ANKRD36C: variants seen among roughly 807,000 people sequenced by gnomAD.
ANKRD36C encodes the protein ankyrin repeat domain-containing protein 36C.
Under a neutral mutation model 276.4 loss-of-function variants are expected in ANKRD36C, and 61 were observed. That is an observed-to-expected ratio of 0.22 (90% confidence interval 0.18 to 0.27). The LOEUF (loss-of-function observed/expected upper bound fraction) is 0.27, where lower values mean the gene tolerates loss of function less well. Among genes scored for constraint, ANKRD36C ranks in the 10% least tolerant of loss-of-function variants. The probability of loss-of-function intolerance (pLI) is 1.00; values close to 1 mark genes in which losing one functional copy is unlikely to be tolerated. For synonymous variants in ANKRD36C, 483 were observed against 680.1 expected (o/e 0.71, Z 4.51); for missense variants, 1,447 against 2,032.3 (o/e 0.71, Z 5.54).
chr2:95,931,831 GA>G (rs1218480534), intron 24 of ANKRD36C, among the ~76,000 whole-genome samples: 8 of 127,582 alleles, frequency 6.3e-5, no homozygotes, highest in African/African-American at 1.6e-4. Flanking sequence ...TTTCAGAAGA[GA>G]AAAAAATACA....
At chr2:95,896,449 T>G (rs905414641) in intron 44 of ANKRD36C, among the ~76,000 whole-genome samples, 2 of 149,638 alleles carry the variant, frequency 1.3e-5, no homozygotes, top group Admixed American at 6.7e-5. Flanking sequence ...ATACTCTTGT[T>G]GGGAGTATCG....
At chr2:95,858,930 GAATT>G (rs1428272129) in intron 61 of ANKRD36C, among the ~76,000 whole-genome samples, 1 of 151,888 alleles carries the variant, frequency 6.6e-6, no homozygotes, top group Non-Finnish European at 1.5e-5. Context: ...GCATAAAACT[GAATT>G]AATTTTATCT....
chr2:95,863,585 A>G (rs972083133), intron 60 of ANKRD36C, among the ~76,000 whole-genome samples: 1 of 152,144 alleles, frequency 6.6e-6, no homozygotes, highest in African/African-American at 2.4e-5. Flanking sequence ...TTGTGATGCA[A>G]CGAAGACATC....
At chr2:95,862,108 T>C (rs1675599971) in intron 60 of ANKRD36C, among the ~76,000 whole-genome samples, 1 of 152,118 alleles carries the variant, frequency 6.6e-6, no homozygotes, top group African/African-American at 2.4e-5. Context: ...CCAAAGTGGA[T>C]AGAACTACAA....
chr2:95,914,442 G>C, intron 38 of ANKRD36C, 139 bp from the exon 41 acceptor site: 1 of 1,142,946 alleles, frequency 8.7e-7, no homozygotes, highest in African/African-American at 1.6e-5. Flanking sequence ...TTGTGTCTGG[G>C]GACTAGAACA....
chr2:95,894,558 T>C (rs1448500569), intron 44 of ANKRD36C, among the ~76,000 whole-genome samples: 1 of 151,416 alleles, frequency 6.6e-6, no homozygotes, highest in Non-Finnish European at 1.5e-5. Flanking sequence ...TGCAACATAA[T>C]TTTTGTCTCT....
intron 24 of ANKRD36C, among the ~76,000 whole-genome samples, chr2:95,932,730 A>G (rs1331105574): frequency 0.05 from 4,726 of 95,192 alleles, no homozygotes; most frequent in African/African-American, 0.094. Context: ...TGAAACTCAG[A>G]GGTACCTCAT....
chr2:95,912,842 G>A (rs912151169), intron 40 of ANKRD36C, among the ~76,000 whole-genome samples: 1 of 151,264 alleles, frequency 6.6e-6, no homozygotes, highest in Non-Finnish European at 1.5e-5. Context: ...TACACCATTA[G>A]GCTACAAACA....
chr2:95,954,699 G>A (rs559507037), intron 13 of ANKRD36C, among the ~76,000 whole-genome samples: 7 of 152,178 alleles, frequency 4.6e-5, no homozygotes, highest in South Asian at 4.1e-4. Flanking sequence ...TCCAATTATC[G>A]TCATTATATA....
At chr2:95,910,341 G>C in intron 42 of ANKRD36C, 32 bp downstream of exon 46, 1 of 1,522,468 alleles carries the variant, frequency 6.6e-7, no homozygotes, top group South Asian at 1.2e-5. Context: ...TATCTGGACA[G>C]AACACGACAT....
At position 95,982,076 on chromosome 2, in the gene ANKRD36C, A is replaced by G. The variant is rs147365765; in HGVS notation, c.593+180T>C. Among the ~76,000 whole-genome samples the G allele has an allele frequency of 3.5e-3, 536 of 152,308 alleles. 1 individual carries two copies. The highest frequency in any genetic ancestry group is 5.4e-3 in the Non-Finnish European group (365 of 68,016). ...CCTGCTATACACTGTTCTTTATGTT[A>G]CTCAGTCCAAATAATTGTTTTTCTA... On this transcript the variant is annotated intron_variant, in intron 4 of 66. Coordinates refer to ENST00000456556, the Ensembl canonical transcript of ANKRD36C.
intron 32 of ANKRD36C, among the ~76,000 whole-genome samples, 172 bp downstream of exon 32, chr2:95,923,323 G>A (rs1677321813): frequency 6.6e-6 from 1 of 151,590 alleles, no homozygotes; most frequent in Non-Finnish European, 1.5e-5. Flanking sequence ...CGAAGATCAT[G>A]TCCAAGACCA....
chr2:95,975,672 C>A (rs1478868238), intron 6 of ANKRD36C, among the ~76,000 whole-genome samples: 7 of 152,124 alleles, frequency 4.6e-5, no homozygotes, highest in African/African-American at 1.7e-4. Context: ...ACCATAAAAA[C>A]CCTAAAAGAA....
exon 26 of ANKRD36C, chr2:95,929,144 C>A: frequency 1.2e-6 from 2 of 1,602,692 alleles, no homozygotes; most frequent in Non-Finnish European, 8.5e-7. Flanking sequence ...TCACTTGTAG[C>A]CTGAATGGGA....
Position 95,977,763 on chromosome 2 carries a change from A to G in ANKRD36C, c.799+359T>C, listed in dbSNP as rs1032127538. Among the ~76,000 whole-genome samples the G allele has an allele frequency of 3.3e-5, 5 of 152,164 alleles. No homozygotes were observed. The East Asian group carries it at 9.6e-4, about 29-fold the overall frequency. ...TTGATTCATTTAGTAATTGCAAAGA[A>G]TTTATTTTACAAATTAAATAGAAGT... On this transcript the variant is annotated intron_variant, in intron 6 of 66. Coordinates refer to ENST00000456556, the Ensembl canonical transcript of ANKRD36C.
At chr2:95,939,773 G>C (rs546157072) in intron 20 of ANKRD36C, among the ~76,000 whole-genome samples, 1 of 107,392 alleles carries the variant, frequency 9.3e-6, no homozygotes, top group African/African-American at 4.1e-5. Context: ...TCAATCATTA[G>C]TTTAGATATC....
chr2:95,883,266 T>C (rs909659943), intron 54 of ANKRD36C, among the ~76,000 whole-genome samples: 152 of 152,134 alleles, frequency 1.0e-3, no homozygotes, highest in East Asian at 1.9e-4. Context: ...AATAACCTTT[T>C]ACATTTGGAA....
At chr2:95,946,932 T>C (rs1678068763) in intron 17 of ANKRD36C, among the ~76,000 whole-genome samples, 1 of 151,946 alleles carries the variant, frequency 6.6e-6, no homozygotes, top group African/African-American at 2.4e-5. Context: ...GGGGGAGGGA[T>C]AGCATTGGGA....
chr2:95,930,661 T>C (rs541500021), intron 24 of ANKRD36C, among the ~76,000 whole-genome samples: 3,490 of 151,438 alleles, frequency 0.023, 133 homozygotes, highest in African/African-American at 0.081. Context: ...TACATATATA[T>C]ACATATGTCA....
Sources: gnomAD v4.1 joint callset for allele counts (sites outside exome capture counted in the v4.1 genomes callset) on GRCh38, gnomAD v4.1.1 for gene constraint, MANE v1.5 for transcripts, NCBI Gene and HGNC (gene_info 2026-07-23, HGNC 2026-07-21) for gene names.